Variants in CR1 observed in about 807,000 individuals in gnomAD.
CR1 encodes complement receptor type 1.
A neutral mutation model predicts 187.3 loss-of-function variants in CR1; 116 were observed. The ratio of observed to expected loss-of-function variants is 0.62; its 90% CI spans 0.53 to 0.72. The LOEUF (loss-of-function observed/expected upper bound fraction) is 0.72. Ranked by LOEUF, CR1 falls within the 30% of genes least tolerant of loss-of-function variation. The pLI is 0.00. For synonymous variants in CR1, 576 were observed against 747.1 expected (o/e 0.77, Z 3.73); for missense variants, 1,731 against 2,110.7 (o/e 0.82, Z 3.52).
chr1:207,592,159 CA>C (rs1203208606), intron 35 of CR1, among the ~76,000 whole-genome samples: 4 of 152,164 alleles, frequency 2.6e-5, no homozygotes, highest in African/African-American at 9.7e-5. Flanking sequence ...AATTTCAGGC[CA>C]ATATCCCTGA....
At chr1:207,504,441 T>C (rs1036979025) in intron 1 of CR1, among the ~76,000 whole-genome samples, 2 of 151,896 alleles carry the variant, frequency 1.3e-5, no homozygotes, top group Non-Finnish European at 2.9e-5. Flanking sequence ...AAATAAAAGA[T>C]GGACAACATT....
intron 24 of CR1, among the ~76,000 whole-genome samples, chr1:207,567,451 G>A (rs140620857): frequency 3.3e-5 from 5 of 150,304 alleles, no homozygotes; most frequent in Admixed American, 2.0e-4. Flanking sequence ...CTTCCTCAGC[G>A]CTGTGTCCCC....
chr1:207,575,702 C>T (rs368787323), intron 28 of CR1, 22 bp downstream of exon 28: 1 of 1,611,674 alleles, frequency 6.2e-7, no homozygotes, highest in Non-Finnish European at 8.5e-7. Flanking sequence ...TCTCTTTCCC[C>T]ATTCACCCCA....
intron 45 of CR1, among the ~76,000 whole-genome samples, chr1:207,623,741 C>A (rs1469277535): frequency 1.3e-5 from 2 of 151,916 alleles, no homozygotes; most frequent in Admixed American, 6.6e-5. Flanking sequence ...TTTGCTAAGA[C>A]ATTGCAGACA....
chr1:207,594,209 C>T (rs1039281690), intron 35 of CR1, among the ~76,000 whole-genome samples: 1 of 152,062 alleles, frequency 6.6e-6, no homozygotes, highest in African/African-American at 2.4e-5. Context: ...AACCCAAATG[C>T]CCATCAATGA....
intron 32 of CR1, 39 bp downstream of exon 32, chr1:207,582,042 GT>G (rs1422937809): frequency 1.4e-6 from 2 of 1,480,458 alleles, no homozygotes; most frequent in Non-Finnish European, 1.9e-6. Context: ...GGATCTTTCT[GT>G]TTTTTTCTTA....
chr1:207,511,419 TG>T, intron 3 of CR1, 149 bp from the exon 4 acceptor site: 1 of 581,276 alleles, frequency 1.7e-6, no homozygotes, highest in Non-Finnish European at 2.7e-6. Context: ...CCAAGAAGAA[TG>T]TGAAACTTGG....
chr1:207,620,421 G>A (rs570265976), intron 43 of CR1, among the ~76,000 whole-genome samples: 1 of 152,322 alleles, frequency 6.6e-6, no homozygotes, highest in Admixed American at 6.5e-5. Flanking sequence ...CCTCACTACT[G>A]GAGGGGACAG....
At chr1:207,505,861 A>C (rs764085546) in intron 1 of CR1, 43 bp from the exon 2 acceptor site, 1 of 1,569,598 alleles carries the variant, frequency 6.4e-7, no homozygotes, top group South Asian at 1.2e-5. Context: ...AAGTATGGTA[A>C]TTTCTCCATT....
At chr1:207,624,973 G>C (rs1458059188) in intron 45 of CR1, among the ~76,000 whole-genome samples, 1 of 152,068 alleles carries the variant, frequency 6.6e-6, no homozygotes, top group South Asian at 2.1e-4. Flanking sequence ...GAAGATATTT[G>C]ATTATCTCCA....
At chr1:207,514,560 G>C (rs1363062889) in intron 4 of CR1, among the ~76,000 whole-genome samples, 1 of 152,106 alleles carries the variant, frequency 6.6e-6, no homozygotes, top group Non-Finnish European at 1.5e-5. Flanking sequence ...TGTTGGTCTT[G>C]AACTCCCCAG....
chr1:207,615,362 G>C (rs1422628977), intron 40 of CR1, among the ~76,000 whole-genome samples: 2 of 152,244 alleles, frequency 1.3e-5, no homozygotes, highest in East Asian at 3.9e-4. Context: ...ATATAAAATG[G>C]TAGTTAAATA....
At chr1:207,509,402 C>T (rs1659548648) in intron 3 of CR1, among the ~76,000 whole-genome samples, 2 of 152,176 alleles carry the variant, frequency 1.3e-5, no homozygotes, top group South Asian at 2.1e-4. Context: ...GACTCCCTGG[C>T]TCCCCTTACA....
chr1:207,506,723 G>A lies in CR1; in HGVS notation c.311G>A (p.Cys104Tyr). The change falls in exon 3 of 47, where the codon TGT becomes TAT. Residue 104 changes from cysteine to tyrosine, a missense_variant. Cys to Tyr is a radical substitution (Grantham distance 194). Coordinates refer to ENST00000367049, the MANE Select transcript of CR1 (RefSeq NM_000651.6). ...GAKDRCRRKS[C>Y]RNPPDPVNGM... ...TGTTTCTTTCCTGTAGGTAAATCAT[G>A]TCGTAATCCTCCAGATCCTGTGAAT... 6.2e-7 allele frequency: 1 copy of A among 1,613,446 alleles called. No homozygotes were observed. The highest frequency in any genetic ancestry group is 8.5e-7 in the Non-Finnish European group (1 of 1,179,554).
chr1:207,639,169 A>G (rs1662906301), intron 46 of CR1, among the ~76,000 whole-genome samples: 1 of 152,208 alleles, frequency 6.6e-6, no homozygotes, highest in Admixed American at 6.5e-5. Flanking sequence ...CTTGGACATA[A>G]GTCAGGTGGC....
intron 31 of CR1, 131 bp downstream of exon 31, chr1:207,580,744 C>A: frequency 1.2e-6 from 1 of 850,782 alleles, no homozygotes; most frequent in Non-Finnish European, 1.8e-6. Flanking sequence ...GGAAGTGTAG[C>A]TTTAAAATAA....
Position 207,609,658 on chromosome 1 carries a change from T to C in CR1, c.6265T>C (p.Trp2089Arg). ...TGTGCAGTGCCAGACCAATGGCAGA[T>C]GGGGGCCCAAGCTGCCACACTGCTC... ...HTVQCQTNGR[W>R]GPKLPHCSRV... Residue 2089 changes from tryptophan to arginine, a missense_variant, in exon 37 of 47, where the codon TGG (tryptophan) becomes CGG (arginine). This residue lies in a region of CR1 where 1,312 missense variants were observed against 1,379.6 expected (regional missense o/e 0.95). Transcript: ENST00000367049. 1 of 1,595,042 alleles carries C rather than the reference T, an allele frequency of 6.3e-7. No homozygotes were observed. Among genetic ancestry groups the C allele is most frequent in the Non-Finnish European group, 8.5e-7 (1 of 1,170,976 alleles).
chr1:207,580,991 A>T (rs1251418535), intron 31 of CR1, among the ~76,000 whole-genome samples: 2 of 152,154 alleles, frequency 1.3e-5, no homozygotes, highest in African/African-American at 4.8e-5. Context: ...AACTCATTTG[A>T]TTTCTCACTT....
Position 207,564,193 on chromosome 1 carries a change from T to G in CR1, c.3825T>G (p.Asn1275Lys). Reference sequence around the variant, plus strand: ...ATGGCCGTGTGCTATTTCCAGTAAATCTCCAGCTTGGAGCAAAAGTGGATT... The same window carrying G: ...ATGGCCGTGTGCTATTTCCAGTAAAGCTCCAGCTTGGAGCAAAAGTGGATT... ...LLNGRVLFPVNLQLGAKVDFV... is the reference protein window; with the variant it reads ...LLNGRVLFPVKLQLGAKVDFV... The change falls in exon 23 of 47, where the codon AAT becomes AAG. Residue 1275 changes from asparagine (N) to lysine (K), a missense_variant. Physicochemically the swap from Asn to Lys is moderately conservative, Grantham distance 94. Around this residue, in one of 5 missense-constraint regions of CR1, gnomAD observed 34 missense variants for 79.5 expected, o/e 0.43. Coordinates refer to ENST00000367049, the MANE Select transcript of CR1 (RefSeq NM_000651.6). The G allele has an allele frequency of 6.3e-7, 1 of 1,589,438 alleles. No homozygotes were observed. Among genetic ancestry groups the G allele is most frequent in the East Asian group, 2.2e-5 (1 of 44,644 alleles).
Sources: gnomAD v4.1 joint callset for allele counts (sites outside exome capture counted in the v4.1 genomes callset) on GRCh38, gnomAD v4.1.1 for gene constraint, gnomAD v4.1.1 regional missense constraint, MANE v1.5 for transcripts, NCBI Gene and HGNC (gene_info 2026-07-23, HGNC 2026-07-21) for gene names.